NXPE2: variants seen among roughly 807,000 people sequenced by gnomAD.
NXPE2 encodes the protein neurexophilin and PC-esterase domain family member 2.
Under a neutral mutation model 34.4 loss-of-function variants are expected in NXPE2, and 34 were observed. That is an observed-to-expected ratio of 0.99 (90% CI 0.75 to 1.31). The LOEUF is 1.31. NXPE2 is among the 40% of genes most tolerant of loss of function. The pLI is 0.00. For synonymous variants in NXPE2, 235 were observed against 231.3 expected (o/e 1.02, Z -0.15); for missense variants, 649 against 672.5 (o/e 0.97, Z 0.39).
the NXPE2 span, among the ~76,000 whole-genome samples, chr11:114,557,189 C>T: frequency 9.9e-5 from 15 of 152,182 alleles, no homozygotes; most frequent in Non-Finnish European, 2.1e-4. Context: ...CTACCGTGCC[C>T]GGCCCCCTTT....
the NXPE2 span, among the ~76,000 whole-genome samples, chr11:114,638,943 G>C: frequency 6.6e-6 from 1 of 152,036 alleles, no homozygotes; most frequent in Non-Finnish European, 1.5e-5. Flanking sequence ...GAGGCAGTCT[G>C]CCCATTTTCA....
the NXPE2 span, among the ~76,000 whole-genome samples, chr11:114,658,637 G>C: frequency 2.0e-5 from 3 of 152,156 alleles, no homozygotes; most frequent in African/African-American, 7.2e-5. Flanking sequence ...AGATCCCTGT[G>C]GTTGGGAAAA....
At chr11:114,582,708 A>G in the NXPE2 span, 1 of 1,614,164 alleles carries the variant, frequency 6.2e-7, no homozygotes, top group Non-Finnish European at 8.5e-7. Context: ...GGCCCTCAGG[A>G]AATCCCCGCC....
the NXPE2 span, among the ~76,000 whole-genome samples, chr11:114,493,638 T>C: frequency 6.6e-6 from 1 of 152,222 alleles, no homozygotes. Context: ...TCTTGCTTTT[T>C]AACTTTTTGT....
At chr11:114,673,443 C>A in the NXPE2 span, among the ~76,000 whole-genome samples, 111 of 151,204 alleles carry the variant, frequency 7.3e-4, no homozygotes, top group African/African-American at 2.6e-3. Context: ...GCAAACTAAG[C>A]ATAAAGCAAG....
intron 4 of NXPE2, among the ~76,000 whole-genome samples, chr11:114,704,274 A>T (rs1213681431): frequency 1.3e-5 from 2 of 152,186 alleles, no homozygotes; most frequent in Non-Finnish European, 2.9e-5. Context: ...AAGGCTAGGG[A>T]AACCATTAAC....
chr11:114,576,862 A>G, the NXPE2 span, among the ~76,000 whole-genome samples: 1 of 149,880 alleles, frequency 6.7e-6, no homozygotes, highest in African/African-American at 2.4e-5. Flanking sequence ...AAGAAAAGTC[A>G]TTATACGAAA....
At chr11:114,694,658 G>T (rs995841316) in intron 2 of NXPE2, among the ~76,000 whole-genome samples, 1 of 151,930 alleles carries the variant, frequency 6.6e-6, no homozygotes, top group Non-Finnish European at 1.5e-5. Flanking sequence ...TTTAGTTTGG[G>T]AAGTTTCTGT....
the NXPE2 span, chr11:114,582,483 G>C: frequency 6.2e-7 from 1 of 1,614,130 alleles, no homozygotes; most frequent in Non-Finnish European, 8.5e-7. Context: ...GACTTGGGAA[G>C]TGCCATTGAC....
chr11:114,534,935 A>G, the NXPE2 span, among the ~76,000 whole-genome samples: 2 of 152,312 alleles, frequency 1.3e-5, no homozygotes, highest in Non-Finnish European at 2.9e-5. Context: ...AGAGAACGCC[A>G]CTAAGATACT....
At position 114,698,275 on chromosome 11, in the gene NXPE2, T is replaced by C. The variant is rs1470466579; in HGVS notation, c.363T>C (p.Asp121=). 6.2e-7 allele frequency: 1 copy of C among 1,613,372 alleles called. No individual in the cohort carries two copies. The highest frequency in any genetic ancestry group is 1.7e-5 in the Admixed American group (1 of 60,006). Residue 121 remains aspartate (D), a synonymous_variant, in exon 3 of 6, where the codon GAT becomes GAC. Transcript: ENST00000389586. The part of the protein sequence containing the change: ...HSTATILNPQ[D]TYCRGDQLDI... ...CAGCCACCATCCTCAACCCTCAAGA[T>C]ACGTACTGCAGGGGGGATCAGCTGG...
At chr11:114,488,066 A>T in the NXPE2 span, among the ~76,000 whole-genome samples, 2 of 151,920 alleles carry the variant, frequency 1.3e-5, no homozygotes, top group Non-Finnish European at 2.9e-5. Flanking sequence ...TTGGAATAGT[A>T]TGAGTAAGAT....
At chr11:114,617,278 G>A in the NXPE2 span, among the ~76,000 whole-genome samples, 2 of 151,598 alleles carry the variant, frequency 1.3e-5, no homozygotes, top group Admixed American at 6.6e-5. Context: ...ATATTGCCTC[G>A]TGGATAACCA....
the NXPE2 span, among the ~76,000 whole-genome samples, chr11:114,596,699 GA>G: frequency 6.6e-6 from 1 of 152,102 alleles, no homozygotes; most frequent in Admixed American, 6.5e-5. Flanking sequence ...CCTATAATAA[GA>G]AAAAAGTATT....
At chr11:114,743,567 T>A in the NXPE2 span, among the ~76,000 whole-genome samples, 1 of 152,030 alleles carries the variant, frequency 6.6e-6, no homozygotes, top group Admixed American at 6.5e-5. Flanking sequence ...TTGCATGTAC[T>A]TTTTGAGTTT....
At chr11:114,796,946 A>ATTTG in the NXPE2 span, among the ~76,000 whole-genome samples, 4 of 152,160 alleles carry the variant, frequency 2.6e-5, no homozygotes, top group African/African-American at 9.7e-5. Context: ...CTGAAATATG[A>ATTTG]TTTGTTTGGA....
At chr11:114,706,244 T>C (rs529828809) in intron 5 of NXPE2, 151 bp from the exon 6 acceptor site, 1 of 580,632 alleles carries the variant, frequency 1.7e-6, no homozygotes, top group East Asian at 2.9e-5. Flanking sequence ...TTTGTTAAGA[T>C]TGTAATGCAC....
chr11:114,723,439 A>G, the NXPE2 span, among the ~76,000 whole-genome samples: 1 of 152,296 alleles, frequency 6.6e-6, no homozygotes, highest in Admixed American at 6.5e-5. Context: ...CAAAAACACC[A>G]AGATCCATTT....
chr11:114,764,920 T>C, the NXPE2 span, among the ~76,000 whole-genome samples: 1 of 152,180 alleles, frequency 6.6e-6, no homozygotes, highest in African/African-American at 2.4e-5. Context: ...AGTGGACTTT[T>C]TTCCATTATT....
Sources: gnomAD v4.1 joint callset for allele counts (sites outside exome capture counted in the v4.1 genomes callset) on GRCh38, gnomAD v4.1.1 for gene constraint, MANE v1.5 for transcripts, NCBI Gene and HGNC (gene_info 2026-07-23, HGNC 2026-07-21) for gene names.